The following KAZN variants were observed in gnomAD, a reference collection of about 807,000 sequenced individuals.
KAZN encodes the protein kazrin, periplakin interacting protein.
Under a neutral mutation model 87.4 loss-of-function variants are expected in KAZN, and 40 were observed. The observed-to-expected ratio is 0.46, with a 90% CI of 0.36 to 0.60. The LOEUF (loss-of-function observed/expected upper bound fraction) is 0.60. Among genes scored for constraint, KAZN ranks in the 20% least tolerant of loss-of-function variants. The pLI is 0.00. For synonymous variants in KAZN, 466 were observed against 458.3 expected, an observed-to-expected ratio of 1.02 and a Z score of -0.22; for missense variants, 898 against 1,073.9, an observed-to-expected ratio of 0.84 and a Z score of 2.29.
intron 2 of KAZN, among the ~76,000 whole-genome samples, chr1:14,256,992 T>C (rs1287923878): frequency 6.6e-6 from 1 of 152,106 alleles, no homozygotes; most frequent in East Asian, 1.9e-4. Flanking sequence ...AAAATAAGCA[T>C]GTTTGACTGA....
intron 1 of KAZN, among the ~76,000 whole-genome samples, chr1:13,955,013 C>T (rs1366465624): frequency 6.6e-6 from 1 of 152,162 alleles, no homozygotes; most frequent in African/African-American, 2.4e-5. Context: ...AACATTTTCA[C>T]TTTGACTGTG....
intron 1 of KAZN, among the ~76,000 whole-genome samples, chr1:14,794,602 C>T (rs1275503105): frequency 6.6e-6 from 1 of 152,192 alleles, no homozygotes; most frequent in Non-Finnish European, 1.5e-5. Context: ...AAGCTACTTA[C>T]TTGATGTCCC....
chr1:14,057,434 T>C (rs1642622637), intron 1 of KAZN, among the ~76,000 whole-genome samples: 1 of 152,170 alleles, frequency 6.6e-6, no homozygotes, highest in South Asian at 2.1e-4. Context: ...TGCCCAGCTA[T>C]GTTTAGCATT....
chr1:14,638,093 C>T (rs1165692619), intron 1 of KAZN, among the ~76,000 whole-genome samples: 5 of 152,158 alleles, frequency 3.3e-5, no homozygotes, highest in Non-Finnish European at 7.3e-5. Context: ...GTGTCCTCTC[C>T]TCTTCTCACA....
At chr1:14,670,961 G>A in intron 1 of KAZN, among the ~76,000 whole-genome samples, 1 of 152,192 alleles carries the variant, frequency 6.6e-6, no homozygotes, top group East Asian at 1.9e-4. Context: ...CTGGCATCCG[G>A]TGGGTGGAGG....
At position 15,117,941 on chromosome 1, in the gene KAZN, T is replaced by C. The variant is rs759153824; in HGVS notation, c.*3306T>C. ...AGGCATTTTGTGGCTGCAGAGGAAA[T>C]GGGTTGGCTCTGAACAAAGATGCAG... On this transcript the variant is annotated 3_prime_UTR_variant, in exon 15 of 15. Coordinates refer to ENST00000376030, the MANE Select transcript of KAZN (RefSeq NM_201628.3). 6.6e-6 allele frequency: 1 copy of C among 152,192 alleles called. No homozygotes were observed. Among genetic ancestry groups the C allele is most frequent in the Non-Finnish European group, 1.5e-5 (1 of 68,042 alleles). 9.4% of individuals were successfully genotyped at this position (152,192 alleles called of 1,614,324 possible). A position where few individuals can be genotyped will look rare whatever the true frequency, so the allele number is the denominator to read the frequency against.
intron 2 of KAZN, among the ~76,000 whole-genome samples, chr1:14,528,665 C>T (rs1672043776): frequency 1.3e-5 from 2 of 150,712 alleles, no homozygotes; most frequent in South Asian, 4.2e-4. Context: ...GGGAAGATCG[C>T]CTGAGCCCAG....
intron 1 of KAZN, among the ~76,000 whole-genome samples, chr1:14,649,650 C>G (rs1306923920): frequency 1.3e-5 from 2 of 152,138 alleles, no homozygotes; most frequent in Non-Finnish European, 2.9e-5. Flanking sequence ...GACCAAATGT[C>G]AAGGCGACCA....
In KAZN at chr1:14,394,778, C is replaced by T. The variant is rs202130535; in HGVS notation, c.250-204205C>T. On this transcript the variant is annotated intron_variant, in intron 2 of 16. Transcript: ENST00000636203. ...GCTTTGCATATATTATCTTGTTGAA[C>T]GCAGTAAGAACTCTGTGAGGTGGGT... 3.3e-5 allele frequency among the ~76,000 whole-genome samples: 5 copies of T among 152,148 alleles called. No individual in the cohort carries two copies. The East Asian group carries it at 7.7e-4, about 23-fold the overall frequency.
intron 1 of KAZN, among the ~76,000 whole-genome samples, chr1:14,948,636 A>C (rs1463750019): frequency 6.6e-6 from 1 of 152,182 alleles, no homozygotes; most frequent in Admixed American, 6.5e-5. Flanking sequence ...GCCAGACAGA[A>C]ACGTCTGCTG....
intron 1 of KAZN, among the ~76,000 whole-genome samples, chr1:14,090,034 C>A (rs1643940272): frequency 6.6e-6 from 1 of 150,896 alleles, no homozygotes; most frequent in Non-Finnish European, 1.5e-5. Flanking sequence ...CCTGTGGCAG[C>A]TTTTAAGATT....
chr1:14,410,095 G>A (rs1396046152), intron 2 of KAZN, among the ~76,000 whole-genome samples: 2 of 152,120 alleles, frequency 1.3e-5, no homozygotes, highest in African/African-American at 4.8e-5. Flanking sequence ...ATATTAATTG[G>A]AAAAGTCCAA....
chr1:14,244,704 C>G (rs1239879425), intron 2 of KAZN, among the ~76,000 whole-genome samples: 1 of 151,748 alleles, frequency 6.6e-6, no homozygotes, highest in Middle Eastern at 3.2e-3. Flanking sequence ...GAGAGAACAG[C>G]AAGTACAAAG....
rs1214595921 is a variant in KAZN, at chr1:15,115,685, G to C, written c.*1050G>C. 3 of 152,074 alleles carry C rather than the reference G, an allele frequency of 2.0e-5. No homozygotes were observed. The highest frequency in any genetic ancestry group is 4.4e-5 in the Non-Finnish European group (3 of 68,012). 9.4% of individuals were successfully genotyped at this position (152,074 alleles called of 1,614,324 possible). On this transcript the variant is annotated 3_prime_UTR_variant, in exon 15 of 15. Coordinates refer to ENST00000376030, the MANE Select transcript of KAZN (RefSeq NM_201628.3). The surrounding 1 kb of genome is among the most constrained non-coding windows in gnomAD (Gnocchi z 4.1). ...CAAAATCATTTGGTATTGGTGGGGA[G>C]AACCCCAGCCCTTTTCTTGACCTGC...
At chr1:13,917,789 T>C (rs1444253755) in intron 1 of KAZN, among the ~76,000 whole-genome samples, 1 of 120,172 alleles carries the variant, frequency 8.3e-6, no homozygotes, top group East Asian at 2.4e-4. Context: ...GAGAAAGACC[T>C]GTGTCATCAA....
At chr1:14,576,848 C>T (rs1675222908) in intron 2 of KAZN, among the ~76,000 whole-genome samples, 1 of 152,192 alleles carries the variant, frequency 6.6e-6, no homozygotes, top group South Asian at 2.1e-4. Context: ...ACCAAGGTGT[C>T]CAATGGGAAA....
At chr1:14,297,878 G>A (rs539193917) in intron 2 of KAZN, among the ~76,000 whole-genome samples, 3 of 152,302 alleles carry the variant, frequency 2.0e-5, no homozygotes, top group Non-Finnish European at 4.4e-5. Context: ...AGTAGGAGTT[G>A]CTGCCCTGGA....
intron 2 of KAZN, among the ~76,000 whole-genome samples, chr1:14,552,981 A>G (rs377717910): frequency 2.0e-5 from 3 of 152,212 alleles, no homozygotes; most frequent in East Asian, 3.9e-4. Flanking sequence ...CTGGGAAGCT[A>G]AGACTCAGCA....
At chr1:14,936,094 G>A (rs1191950155) in intron 1 of KAZN, among the ~76,000 whole-genome samples, 1 of 152,264 alleles carries the variant, frequency 6.6e-6, no homozygotes, top group African/African-American at 2.4e-5. Flanking sequence ...TCTCTCCAGT[G>A]TGTGGAAAGG....
Sources: allele counts gnomAD v4.1 joint callset (sites outside exome capture counted in the v4.1 genomes callset), GRCh38; gene constraint gnomAD v4.1.1; non-coding constraint Gnocchi (gnomAD v3.1); transcripts MANE v1.5; gene names NCBI Gene and HGNC (gene_info 2026-07-23, HGNC 2026-07-21).